Variants in CTNND2 observed in about 807,000 individuals in gnomAD.
CTNND2 encodes the protein catenin delta-2.
In CTNND2, 22 loss-of-function variants were observed where a neutral mutation model predicts 144.4. The ratio of observed to expected loss-of-function variants is 0.15; its 90% CI spans 0.11 to 0.22. The LOEUF is 0.22. CTNND2 is among the 10% of genes least tolerant of loss of function. The pLI, the probability that CTNND2 is intolerant of heterozygous loss-of-function variation, is 1.00. For synonymous variants in CTNND2, 751 were observed against 695.6 expected (o/e 1.08, Z -1.25); for missense variants, 1,353 against 1,618.8 (o/e 0.84, Z 2.82).
At chr5:10,987,298 A>T (rs1047063246) in intron 20 of CTNND2, among the ~76,000 whole-genome samples, 18 of 152,328 alleles carry the variant, frequency 1.2e-4, no homozygotes, top group Admixed American at 4.6e-4. Context: ...TACAGAGTGT[A>T]CAAGACGTAC....
intron 3 of CTNND2, among the ~76,000 whole-genome samples, chr5:11,460,959 G>C (rs1171883279): frequency 6.6e-6 from 1 of 151,986 alleles, no homozygotes; most frequent in Non-Finnish European, 1.5e-5. Context: ...TGAGGCAAGA[G>C]AAGTGCTTTA....
intron 12 of CTNND2, among the ~76,000 whole-genome samples, chr5:11,135,861 C>T (rs997805295): frequency 2.0e-5 from 3 of 152,338 alleles, no homozygotes; most frequent in South Asian, 2.1e-4. Context: ...CTAGCCACAA[C>T]TTTGCCCTTG....
intron 9 of CTNND2, among the ~76,000 whole-genome samples, chr5:11,242,761 G>A (rs185348247): frequency 6.6e-6 from 1 of 152,324 alleles, no homozygotes; most frequent in African/African-American, 2.4e-5. Context: ...AATGAGCACA[G>A]GATTTGGCAT....
intron 19 of CTNND2, among the ~76,000 whole-genome samples, chr5:10,989,573 T>C (rs1400486968): frequency 2.0e-5 from 3 of 152,228 alleles, no homozygotes. Context: ...CAGTTTACCT[T>C]CGAGCTTATC....
Position 11,672,730 on chromosome 5 carries a change from C to T in CTNND2, c.174+59406G>A, listed in dbSNP as rs112306730. On this transcript the variant is annotated intron_variant, in intron 2 of 21. Transcript: ENST00000304623. ...TGGGCTCCATAGGGGTGGGACCCAC[C>T]GAGCCAGGTACTGGAGGGAGTCTCC... is the stretch of plus-strand genomic sequence containing the variant. 5.2e-3 allele frequency among the ~76,000 whole-genome samples: 790 copies of T among 152,208 alleles called. 7 individuals are homozygous for T. Among genetic ancestry groups the T allele is most frequent in the African/African-American group, 0.014 (586 of 41,554 alleles).
chr5:11,554,065 C>G (rs1430257139), intron 3 of CTNND2, among the ~76,000 whole-genome samples: 1 of 152,000 alleles, frequency 6.6e-6, no homozygotes, highest in African/African-American at 2.4e-5. Context: ...TTATTATTCT[C>G]AAATAAATTT....
intron 1 of CTNND2, among the ~76,000 whole-genome samples, chr5:11,740,307 A>C (rs746846621): frequency 9.9e-5 from 15 of 152,242 alleles, no homozygotes; most frequent in Admixed American, 1.3e-4. Flanking sequence ...AGGCTACAGT[A>C]ACCAAAACAG....
chr5:11,863,029 G>A (rs1293827577), intron 1 of CTNND2, among the ~76,000 whole-genome samples: 7 of 152,102 alleles, frequency 4.6e-5, no homozygotes, highest in Admixed American at 4.6e-4. Context: ...GTACTGCTTG[G>A]CTGTCCCTAG....
At chr5:11,552,693 AC>A (rs1229922550) in intron 3 of CTNND2, among the ~76,000 whole-genome samples, 1 of 151,944 alleles carries the variant, frequency 6.6e-6, no homozygotes, top group Non-Finnish European at 1.5e-5. Context: ...TTTCTGCTAT[AC>A]CCCCCTTCCT....
chr5:11,247,784 T>A (rs1050466918), intron 9 of CTNND2, among the ~76,000 whole-genome samples: 1 of 152,184 alleles, frequency 6.6e-6, no homozygotes, highest in African/African-American at 2.4e-5. Flanking sequence ...TTAGAAGACA[T>A]AAATATTCTC....
rs1347516827 is a variant in CTNND2, at chr5:11,348,447, AAAAAAAAAAG to A, written c.1373-1830_1373-1821del. Among the ~76,000 whole-genome samples, 1,471 of 150,548 alleles carry A rather than the reference AAAAAAAAAAG, an allele frequency of 9.8e-3. 16 individuals are homozygous for A. Among genetic ancestry groups the A allele is most frequent in the South Asian group, 0.02 (95 of 4,760 alleles). ...CCAGAAAATCAAGGGCAAAAAAAAAAAAAAAAAAAGAAAAAAGAAAACTAAGTACATCTGG... is the reference window on the plus strand; with the variant it reads ...CCAGAAAATCAAGGGCAAAAAAAAAAAAAAAAGAAAACTAAGTACATCTGG... On this transcript the variant is annotated intron_variant, in intron 8 of 21. Coordinates refer to ENST00000304623, the MANE Select transcript of CTNND2 (RefSeq NM_001332.4).
chr5:11,860,772 G>T (rs1006290189), intron 1 of CTNND2, among the ~76,000 whole-genome samples: 1 of 152,086 alleles, frequency 6.6e-6, no homozygotes, highest in Admixed American at 6.6e-5. Flanking sequence ...ATAGGTTTTT[G>T]AAGAAGGTTG....
chr5:11,019,612 CT>C (rs1425794750), intron 17 of CTNND2, among the ~76,000 whole-genome samples: 1 of 152,146 alleles, frequency 6.6e-6, no homozygotes, highest in African/African-American at 2.4e-5. Context: ...ACTTTGCTTT[CT>C]TTTTAGACTT....
intron 13 of CTNND2, among the ~76,000 whole-genome samples, chr5:11,112,362 G>A (rs1468260174): frequency 1.2e-4 from 19 of 152,156 alleles, no homozygotes; most frequent in Admixed American, 1.1e-3. Flanking sequence ...GACCATGGCC[G>A]GATCTGAAGA....
chr5:11,004,086 G>T (rs753143441), intron 18 of CTNND2, among the ~76,000 whole-genome samples: 1 of 152,182 alleles, frequency 6.6e-6, no homozygotes, highest in Non-Finnish European at 1.5e-5. Context: ...GTATACCATT[G>T]TTAACCGCTA....
intron 1 of CTNND2, among the ~76,000 whole-genome samples, chr5:11,733,053 T>G (rs541919139): frequency 2.6e-4 from 40 of 152,250 alleles, no homozygotes; most frequent in African/African-American, 9.4e-4. Context: ...TCTTCCCCCA[T>G]AACTCGCCCT....
intron 1 of CTNND2, among the ~76,000 whole-genome samples, chr5:11,800,628 T>G (rs1461673159): frequency 6.6e-6 from 1 of 152,102 alleles, no homozygotes; most frequent in Non-Finnish European, 1.5e-5. Flanking sequence ...TTAGAGAAAC[T>G]TCTAAAAAAA....
chr5:11,243,202 C>T (rs772170371), intron 9 of CTNND2, among the ~76,000 whole-genome samples: 5 of 152,212 alleles, frequency 3.3e-5, no homozygotes, highest in Non-Finnish European at 7.3e-5. Context: ...TCCTAACTCC[C>T]CTTGGGAGGC....
chr5:11,432,742 T>G (rs920570707), intron 3 of CTNND2, among the ~76,000 whole-genome samples: 3 of 152,102 alleles, frequency 2.0e-5, no homozygotes, highest in East Asian at 3.9e-4. Flanking sequence ...GGGCACTTCG[T>G]TTTGGATTCA....
Sources: gnomAD v4.1 joint callset for allele counts (sites outside exome capture counted in the v4.1 genomes callset) on GRCh38, gnomAD v4.1.1 for gene constraint, MANE v1.5 for transcripts, NCBI Gene and HGNC (gene_info 2026-07-23, HGNC 2026-07-21) for gene names.